Variants in SYNE3 observed in about 807,000 individuals in gnomAD.
SYNE3 encodes spectrin repeat containing nuclear envelope family member 3.
SYNE3 carries 100 observed loss-of-function variants against 111.2 expected under a neutral mutation model. The ratio of observed to expected loss-of-function variants is 0.90; its 90% CI spans 0.77 to 1.06. The LOEUF is 1.06. SYNE3 is among the 50% of genes least tolerant of loss of function. The pLI is 0.00. For missense variants in SYNE3, 1,160 were observed against 1,240.3 expected (o/e 0.94, Z 0.97); for synonymous variants, 547 against 533.9 (o/e 1.02, Z -0.34).
intron 1 of SYNE3, among the ~76,000 whole-genome samples, chr14:95,496,777 G>T (rs1051253414): frequency 6.6e-6 from 1 of 152,136 alleles, no homozygotes; most frequent in African/African-American, 2.4e-5. Flanking sequence ...CAGTTATATT[G>T]CATTTATGTT....
intron 1 of SYNE3, among the ~76,000 whole-genome samples, chr14:95,503,222 A>AT (rs1890401922): frequency 6.6e-6 from 1 of 152,252 alleles, no homozygotes; most frequent in African/African-American, 2.4e-5. Flanking sequence ...GACCTTGGAA[A>AT]TGCTCCTTAA....
Position 95,417,564 on chromosome 14 carries a change from A to G in SYNE3, c.*262T>C. 1 of 528,952 alleles carries G rather than the reference A, an allele frequency of 1.9e-6. No homozygotes were observed. The allele number at this position is 528,952 out of a possible 1,614,324, so 32.8% of individuals were successfully genotyped here. A position where few individuals can be genotyped will look rare whatever the true frequency, so the allele number is the denominator to read the frequency against. The stretch of plus-strand genomic sequence containing the variant: ...AGAACTCGTATATGAAATTATACAT[A>G]CTGAGCATTTACATACAGATCATAT... On this transcript the variant is annotated 3_prime_UTR_variant, in exon 18 of 18. Coordinates refer to ENST00000682763, the MANE Select transcript of SYNE3 (RefSeq NM_152592.6).
intron 10 of SYNE3, chr14:95,443,540 C>T: frequency 2.4e-6 from 1 of 421,594 alleles, no homozygotes; most frequent in Non-Finnish European, 4.2e-6. Context: ...TGCTACAAGA[C>T]AGATGGCATC....
chr14:95,429,824 C>T (rs1885645308), intron 17 of SYNE3: 2 of 605,864 alleles, frequency 3.3e-6, no homozygotes, highest in Non-Finnish European at 4.1e-6. Flanking sequence ...CTCTCTGACC[C>T]AGAGATTCCC....
chr14:95,480,409 T>C (rs559299916), intron 1 of SYNE3, among the ~76,000 whole-genome samples: 1 of 152,094 alleles, frequency 6.6e-6, no homozygotes, highest in South Asian at 2.1e-4. Flanking sequence ...TTTTTCATGA[T>C]GGAAACCCCC....
intron 1 of SYNE3, among the ~76,000 whole-genome samples, chr14:95,499,969 CCTGCCT>C (rs1890271868): frequency 6.8e-6 from 1 of 147,476 alleles, no homozygotes; most frequent in African/African-American, 2.5e-5. Context: ...AAGCAATTCT[CCTGCCT>C]CAGCCTCCAG....
rs10547044 is a variant in SYNE3 at position 95,499,856 on chromosome 14, C to CTTTTTTTTTTTTTTTTTTT, written c.-15+16721_-15+16739dup. 7.3e-4 allele frequency among the ~76,000 whole-genome samples: 66 copies of CTTTTTTTTTTTTTTTTTTT among 90,064 alleles called. 7 individuals carry two copies. The highest frequency in any genetic ancestry group is 2.5e-3 in the African/African-American group (53 of 21,274). The allele number at this position is 90,064 out of a possible 152,430, so 59.1% of individuals were successfully genotyped here. A position where few individuals can be genotyped will look rare whatever the true frequency, so the allele number is the denominator to read the frequency against. ...AATCCCCTGTATCACTAACTCTTGT[C>CTTTTTTTTTTTTTTTTTTT]TTTTTTTTTTTTTTTTTTTTGAGAT... On this transcript the variant is annotated intron_variant, in intron 1 of 17. Coordinates refer to ENST00000682763, the MANE Select transcript of SYNE3 (RefSeq NM_152592.6).
At chr14:95,444,435 T>C (rs769129146) in intron 10 of SYNE3, 50 bp downstream of exon 10, 3 of 1,538,640 alleles carry the variant, frequency 1.9e-6, no homozygotes, top group Non-Finnish European at 2.6e-6. Context: ...TGCTTCCAGG[T>C]GCAGCTGAGC....
chr14:95,467,858 G>C lies in SYNE3; in HGVS notation c.254C>G (p.Ala85Gly). ...CPGDQKPGIL[A>G]RLKDIKAQWE... is the part of the protein sequence containing the mutation. ...TTGGGCCTTGATGTCCTTCAGCCGG[G>C]CCAGGATCCCGGGCTTCTGGTCCCC... Residue 85 changes from alanine (A) to glycine (G), a missense_variant, in exon 3 of 18, where the codon GCC becomes GGC. Coordinates refer to ENST00000682763, the MANE Select transcript of SYNE3 (RefSeq NM_152592.6). The C allele has an allele frequency of 6.2e-7, 1 of 1,614,190 alleles. No homozygotes were observed.
rs1903327937 is a variant in SYNE3 at position 95,408,032 on chromosome 14, G to C, written c.*9794C>G. ...TGGTGTGATCATCAGCGTCATCTGG[G>C]AGCAGCTTCAAAAACATTCTCAGCA... On this transcript the variant is annotated 3_prime_UTR_variant, in exon 18 of 18. Coordinates refer to ENST00000682763, the MANE Select transcript of SYNE3 (RefSeq NM_152592.6). The C allele has an allele frequency of 6.6e-6, 1 of 152,156 alleles. No individual in the cohort carries two copies. The highest frequency in any genetic ancestry group is 1.5e-5 in the Non-Finnish European group (1 of 68,040). 9.4% of individuals were successfully genotyped at this position (152,156 alleles called of 1,614,324 possible). A position where few individuals can be genotyped will look rare whatever the true frequency, so the allele number is the denominator to read the frequency against.
intron 8 of SYNE3, chr14:95,449,439 G>A: frequency 1.0e-6 from 1 of 985,452 alleles, no homozygotes; most frequent in Non-Finnish European, 1.2e-6. Flanking sequence ...GTTGTTCATG[G>A]GAGATGCACG....
chr14:95,444,052 A>T, intron 10 of SYNE3: 1 of 185,610 alleles, frequency 5.4e-6, no homozygotes, highest in Admixed American at 6.0e-5. Flanking sequence ...CTATTGTATC[A>T]CGCGCATTTT....
intron 4 of SYNE3, among the ~76,000 whole-genome samples, chr14:95,460,324 C>T (rs1007624188): frequency 1.3e-5 from 2 of 150,802 alleles, no homozygotes; most frequent in Non-Finnish European, 2.9e-5. Flanking sequence ...CGTGCCTCAG[C>T]CTCCCAAGTA....
At chr14:95,445,348 T>C (rs372588528) in intron 9 of SYNE3, among the ~76,000 whole-genome samples, 4 of 152,234 alleles carry the variant, frequency 2.6e-5, no homozygotes, top group Non-Finnish European at 4.4e-5. Flanking sequence ...AGTGCTCTTA[T>C]GTGGATTAGA....
chr14:95,453,914 AT>A (rs1887246925), intron 6 of SYNE3, among the ~76,000 whole-genome samples: 1 of 152,200 alleles, frequency 6.6e-6, no homozygotes, highest in Non-Finnish European at 1.5e-5. Context: ...ATAAGACCAC[AT>A]CCCTTCCAGC....
At chr14:95,506,159 C>T (rs1203689185) in intron 1 of SYNE3, among the ~76,000 whole-genome samples, 1 of 152,180 alleles carries the variant, frequency 6.6e-6, no homozygotes, top group African/African-American at 2.4e-5. Flanking sequence ...CAAATTTATC[C>T]TGGCAATTAC....
chr14:95,439,870 A>G, intron 12 of SYNE3, 44 bp downstream of exon 12: 2 of 1,597,686 alleles, frequency 1.3e-6, no homozygotes, highest in Non-Finnish European at 1.7e-6. Context: ...TTGGCCTGTC[A>G]AGGCTGCTTC....
rs1886110314 is a variant in SYNE3 at position 95,436,819 on chromosome 14, C to T, written c.2538+1G>A. The T allele has an allele frequency of 9.3e-6, 15 of 1,613,946 alleles. No homozygotes were observed. Among genetic ancestry groups the T allele is most frequent in the Admixed American group, 1.7e-5 (1 of 60,022 alleles). ...TGAGGGACCTTTCCTGGGGAACAGACCTGCAGCTTCGATTTTCTGGTCCTC... is the reference window on the plus strand; with the variant it reads ...TGAGGGACCTTTCCTGGGGAACAGATCTGCAGCTTCGATTTTCTGGTCCTC... On this transcript the variant is annotated splice_donor_variant, in intron 15 of 17. Transcript: ENST00000682763. LOFTEE classifies it high-confidence loss of function.
chr14:95,443,031 G>C, intron 11 of SYNE3, 124 bp downstream of exon 11: 1 of 1,239,598 alleles, frequency 8.1e-7, no homozygotes, highest in South Asian at 1.5e-5. Flanking sequence ...GAAGAAAACA[G>C]GGAGAAAGAA....
Sources: gnomAD v4.1 joint callset for allele counts (sites outside exome capture counted in the v4.1 genomes callset) on GRCh38, gnomAD v4.1.1 for gene constraint, MANE v1.5 for transcripts, NCBI Gene and HGNC (gene_info 2026-07-23, HGNC 2026-07-21) for gene names.